The following NAGLU variants were observed in gnomAD, a reference collection of about 807,000 sequenced individuals.
NAGLU encodes alpha-N-acetylglucosaminidase.
NAGLU carries 34 observed loss-of-function variants against 43.4 expected under a neutral mutation model. That is an observed-to-expected ratio of 0.78 (90% CI 0.60 to 1.04). NAGLU has a LOEUF of 1.04. NAGLU is among the 50% of genes least tolerant of loss of function. NAGLU has a pLI of 0.00. For synonymous variants in NAGLU, 425 were observed against 437.6 expected (o/e 0.97, Z 0.36); for missense variants, 910 against 993.7 (o/e 0.92, Z 1.13).
At chr17:42,538,788 A>G (rs1415807445) in intron 4 of NAGLU, 33 bp downstream of exon 4, 1 of 1,603,442 alleles carries the variant, frequency 6.2e-7, no homozygotes, top group Non-Finnish European at 8.5e-7. Flanking sequence ...CACTTAGCTC[A>G]GAGAGGGAAT....
rs1555621579 is a variant in NAGLU, at chr17:42,537,436, CTTT to C, written c.423_425del (p.Phe142del). On this transcript the variant is annotated inframe_deletion, in exon 2 of 6. Transcript: ENST00000225927. ...CAGAATGTGTGCACGCAAAGCTACTCTTTCGTGTGGTGGGACTGGGCCCGCTGG... is the reference window on the plus strand; with the variant it reads ...CAGAATGTGTGCACGCAAAGCTACTCCGTGTGGTGGGACTGGGCCCGCTGG... The C allele has an allele frequency of 2.5e-6, 4 of 1,614,114 alleles. No individual in the cohort carries two copies. The highest frequency in any genetic ancestry group is 1.3e-5 in the African/African-American group (1 of 74,942).
At position 42,543,832 on chromosome 17, in the gene NAGLU, T is replaced by G; in HGVS notation, c.1826T>G (p.Val609Gly). 2 of 1,600,908 alleles carry G rather than the reference T, an allele frequency of 1.2e-6. No individual in the cohort carries two copies. The highest frequency in any genetic ancestry group is 8.5e-7 in the Non-Finnish European group (1 of 1,174,360). ...AYELLPALDE[V>G]LASDSRFLLG... is the part of the protein sequence containing the mutation. The stretch of plus-strand genomic sequence containing the variant: ...GAGCTGCTGCCGGCACTGGACGAGG[T>G]GCTGGCTAGTGACAGCCGCTTCTTG... Residue 609 changes from valine to glycine, a missense_variant, in exon 6 of 6, where the codon GTG becomes GGG. Transcript: ENST00000225927.
In NAGLU at chr17:42,536,295, C is replaced by T. The variant is rs2092905703; in HGVS notation, c.23C>T (p.Ala8Val). 5 of 1,217,812 alleles carry T rather than the reference C, an allele frequency of 4.1e-6. No individual in the cohort carries two copies. The highest frequency in any genetic ancestry group is 5.1e-6 in the Non-Finnish European group (5 of 979,014). 75.4% of individuals were successfully genotyped at this position (1,217,812 alleles called of 1,614,324 possible). A position where few individuals can be genotyped will look rare whatever the true frequency, so the allele number is the denominator to read the frequency against. The change falls in exon 1 of 6, where the codon GCG becomes GTG. Residue 8 changes from alanine to valine, a missense_variant. Transcript: ENST00000225927. MEAVAVA[A>V]AVGVLLLAGA... ...ACCATGGAGGCGGTGGCGGTGGCCGCGGCGGTGGGGGTCCTTCTCCTGGCC... is the reference window on the plus strand; with the variant it reads ...ACCATGGAGGCGGTGGCGGTGGCCGTGGCGGTGGGGGTCCTTCTCCTGGCC...
chr17:42,536,290 G>C lies in NAGLU; in HGVS notation c.18G>C (p.Val6=), dbSNP rs1599253491. 1.6e-6 allele frequency: 2 copies of C among 1,218,272 alleles called. No homozygotes were observed. The highest frequency in any genetic ancestry group is 2.0e-6 in the Non-Finnish European group (2 of 979,250). The allele number at this position is 1,218,272 out of a possible 1,614,324, so 75.5% of individuals were successfully genotyped here. A position where few individuals can be genotyped will look rare whatever the true frequency, so the allele number is the denominator to read the frequency against. The change falls in exon 1 of 6, where the codon GTG becomes GTC. Residue 6 remains valine, a synonymous_variant. Coordinates refer to ENST00000225927, the MANE Select transcript of NAGLU (RefSeq NM_000263.4). MEAVA[V]AAAVGVLLLA... Reference sequence around the variant, plus strand: ...CTGAGACCATGGAGGCGGTGGCGGTGGCCGCGGCGGTGGGGGTCCTTCTCC... The same window carrying C: ...CTGAGACCATGGAGGCGGTGGCGGTCGCCGCGGCGGTGGGGGTCCTTCTCC...
At chr17:42,536,837 A>G (rs1191382087) in intron 1 of NAGLU, 182 bp downstream of exon 1, 6 of 1,221,592 alleles carry the variant, frequency 4.9e-6, no homozygotes, top group Non-Finnish European at 6.3e-6. Flanking sequence ...GGCCCACCTG[A>G]AAAACGGAAA....
At chr17:42,537,107 C>G (rs2092908497) in intron 1 of NAGLU, 1 of 478,074 alleles carries the variant, frequency 2.1e-6, no homozygotes, top group Non-Finnish European at 3.8e-6. Context: ...ATTCCCCGTT[C>G]CAGGAAAACA....
intron 5 of NAGLU, among the ~76,000 whole-genome samples, chr17:42,542,304 TTC>T (rs1180212258): frequency 2.6e-5 from 4 of 152,174 alleles, no homozygotes; most frequent in African/African-American, 7.2e-5. Context: ...CCTCAAATGA[TTC>T]GCCCACTTCA....
At chr17:42,538,535 G>A in intron 3 of NAGLU, 50 bp downstream of exon 3, 4 of 1,613,338 alleles carry the variant, frequency 2.5e-6, no homozygotes, top group Non-Finnish European at 3.4e-6. Context: ...GATGGTCATG[G>A]GCCCAGGAAG....
At chr17:42,536,993 A>G in intron 1 of NAGLU, 1 of 445,824 alleles carries the variant, frequency 2.2e-6, no homozygotes, top group Non-Finnish European at 4.1e-6. Flanking sequence ...GGACGCCTCC[A>G]TCCCCCACCC....
Position 42,536,319 on chromosome 17 carries a change from C to A in NAGLU, c.47C>A (p.Ala16Asp). 1 of 1,217,782 alleles carries A rather than the reference C, an allele frequency of 8.2e-7. No individual in the cohort carries two copies. Among genetic ancestry groups the A allele is most frequent in the Non-Finnish European group, 1.0e-6 (1 of 979,422 alleles). The allele number at this position is 1,217,782 out of a possible 1,614,324, so 75.4% of individuals were successfully genotyped here. A position where few individuals can be genotyped will look rare whatever the true frequency, so the allele number is the denominator to read the frequency against. ...VAAAVGVLLL[A>D]GAGGAAGDEA... The stretch of plus-strand genomic sequence containing the variant: ...GCGGCGGTGGGGGTCCTTCTCCTGG[C>A]CGGGGCCGGGGGCGCGGCAGGCGAC... The change falls in exon 1 of 6, where the codon GCC becomes GAC. Residue 16 changes from alanine to aspartate, a missense_variant. Physicochemically the swap from Ala to Asp is moderately radical, Grantham distance 126. Coordinates refer to ENST00000225927, the MANE Select transcript of NAGLU (RefSeq NM_000263.4).
chr17:42,540,113 CAAAAAAAAAA>C (rs571274275), intron 4 of NAGLU, among the ~76,000 whole-genome samples: 1 of 52,206 alleles, frequency 1.9e-5, no homozygotes, highest in Non-Finnish European at 4.3e-5. Flanking sequence ...GACTCCGTCT[CAAAAAAAAAA>C]AAAAAAAAAG....
intron 5 of NAGLU, among the ~76,000 whole-genome samples, chr17:42,541,409 C>T (rs1034396587): frequency 3.3e-5 from 5 of 152,220 alleles, no homozygotes; most frequent in Admixed American, 2.0e-4. Flanking sequence ...AGCCAACAAC[C>T]TGGGTCACAC....
At chr17:42,536,822 C>T (rs2092907700) in intron 1 of NAGLU, 167 bp downstream of exon 1, 15 of 1,284,188 alleles carry the variant, frequency 1.2e-5, no homozygotes, top group Middle Eastern at 2.9e-4. Context: ...TTCAGAGCCT[C>T]GGCTGGCCCA....
In NAGLU at chr17:42,537,373, C is replaced by T. The variant is rs779724551; in HGVS notation, c.384-25C>T. On this transcript the variant is annotated intron_variant, in intron 1 of 5. Transcript: ENST00000225927. The stretch of plus-strand genomic sequence containing the variant: ...CGTGGACCCTCCAGGGTGGGATGCG[C>T]CCCTGCTCATGACACTGCCCGCAGG... 17 of 1,613,790 alleles carry T rather than the reference C, an allele frequency of 1.1e-5. No individual in the cohort carries two copies. In the African/African-American group the frequency reaches 2.1e-4, roughly 20 times the overall value.
rs1199813151 is a variant in NAGLU, at chr17:42,542,053, AC to A, written c.1021+849del. 2.0e-5 allele frequency among the ~76,000 whole-genome samples: 3 copies of A among 151,914 alleles called. No homozygotes were observed. The East Asian group carries it at 5.8e-4, about 29-fold the overall frequency. On this transcript the variant is annotated intron_variant, in intron 5 of 5. Transcript: ENST00000225927. ...GTAGCTGGGACTATAGGCACCCGCCACCACGCCCGGCAATTTTTGTTTGTTT... is the reference window on the plus strand; with the variant it reads ...GTAGCTGGGACTATAGGCACCCGCCACACGCCCGGCAATTTTTGTTTGTTT...
Position 42,543,105 on chromosome 17 carries a change from A to G in NAGLU, c.1099A>G (p.Arg367Gly). The G allele has an allele frequency of 6.2e-7, 1 of 1,612,814 alleles. No individual in the cohort carries two copies. Among genetic ancestry groups the G allele is most frequent in the Middle Eastern group, 1.7e-4 (1 of 6,060 alleles). The part of the protein sequence containing the change: ...QPQFWGPAQI[R>G]AVLGAVPRGR... The stretch of plus-strand genomic sequence containing the variant: ...GCAGTTCTGGGGGCCCGCCCAGATC[A>G]GGGCTGTGCTGGGAGCTGTGCCCCG... Residue 367 changes from arginine to glycine, a missense_variant, in exon 6 of 6, where the codon AGG (arginine) becomes GGG (glycine). Transcript: ENST00000225927.
rs1049139446 is a variant in NAGLU at position 42,543,311 on chromosome 17, C to T, written c.1305C>T (p.Asn435=). 7 of 1,613,758 alleles carry T rather than the reference C, an allele frequency of 4.3e-6. No individual in the cohort carries two copies. The Middle Eastern group carries it at 4.9e-4, about 114-fold the overall frequency. Residue 435 remains asparagine (N), a synonymous_variant, in exon 6 of 6, where the codon AAC becomes AAT. Coordinates refer to ENST00000225927, the MANE Select transcript of NAGLU (RefSeq NM_000263.4). The part of the protein sequence containing the change: ...GGPEAARLFP[N]STMVGTGMAP... ...CAGAAGCTGCCCGCCTCTTCCCCAA[C>T]TCCACCATGGTAGGCACGGGCATGG...
In NAGLU at chr17:42,536,386, G is replaced by C. The variant is rs2092906079; in HGVS notation, c.114G>C (p.Arg38=). Residue 38 remains arginine (R), a synonymous_variant, in exon 1 of 6, where the codon CGG becomes CGC. Transcript: ENST00000225927. ...CGGCCGTGCGGGCGCTCGTGGCCCG[G>C]CTGCTGGGGCCAGGCCCCGCGGCCG... ...EAAAVRALVA[R]LLGPGPAADF... 3 of 1,198,148 alleles carry C rather than the reference G, an allele frequency of 2.5e-6. No individual in the cohort carries two copies. The African/African-American group carries it at 4.8e-5, about 19-fold the overall frequency. 74.2% of individuals were successfully genotyped at this position (1,198,148 alleles called of 1,614,324 possible).
chr17:42,538,604 G>A, intron 3 of NAGLU, 66 bp from the exon 4 acceptor site: 7 of 1,612,286 alleles, frequency 4.3e-6, no homozygotes, highest in Non-Finnish European at 5.1e-6. Context: ...GTGTATCCTG[G>A]GAGATGAGGG....
Sources: gnomAD v4.1 joint callset for allele counts (sites outside exome capture counted in the v4.1 genomes callset) on GRCh38, gnomAD v4.1.1 for gene constraint, MANE v1.5 for transcripts, NCBI Gene and HGNC (gene_info 2026-07-23, HGNC 2026-07-21) for gene names.